DNAI4: variants seen among roughly 807,000 people sequenced by gnomAD.
DNAI4 encodes dynein axonemal intermediate chain 4.
In DNAI4, 85 loss-of-function variants were observed where a neutral mutation model predicts 105.8. The observed-to-expected ratio is 0.80, with a 90% CI of 0.67 to 0.96. The LOEUF (loss-of-function observed/expected upper bound fraction) is 0.96, where lower values mean the gene tolerates loss of function less well. Ranked by LOEUF, DNAI4 falls within the 40% of genes least tolerant of loss-of-function variation. The pLI is 0.00. For missense variants in DNAI4, 1,014 were observed against 1,005.6 expected, an observed-to-expected ratio of 1.01 and a Z score of -0.11; for synonymous variants, 352 against 331.5, an observed-to-expected ratio of 1.06 and a Z score of -0.67.
rs3008858 is a variant in DNAI4 at position 66,924,733 on chromosome 1, G to C, written c.99C>G (p.Cys33Trp). Residue 33 changes from cysteine to tryptophan, a missense_variant, in exon 1 of 17, where the codon TGC (cysteine) becomes TGG (tryptophan). Physicochemically the swap from Cys to Trp is radical, Grantham distance 215. Transcript: ENST00000371026. ...DFRGGQKKGW[C>W]TTPQLVATMP... ...TGGTGGCGACCAGCTGGGGAGTGGT[G>C]CACCACCCCTTTTTTTGGCCGCCTC... 0.76 allele frequency: 1,224,577 copies of C among 1,614,032 alleles called. 467,078 individuals are homozygous for C. The highest frequency in any genetic ancestry group is 0.9 in the East Asian group (40,475 of 44,866).
chr1:66,900,002 T>G (rs1648671730), intron 2 of DNAI4, among the ~76,000 whole-genome samples: 1 of 152,220 alleles, frequency 6.6e-6, no homozygotes, highest in Non-Finnish European at 1.5e-5. Context: ...ATCATCCTAC[T>G]TTGCTCTTTT....
At chr1:66,824,746 T>C (rs545604443) in intron 15 of DNAI4, among the ~76,000 whole-genome samples, 78 of 152,302 alleles carry the variant, frequency 5.1e-4, no homozygotes, top group African/African-American at 1.8e-3. Flanking sequence ...TTGTGATTTT[T>C]GTACATTGAT....
chr1:66,885,101 T>C (rs996493521), intron 4 of DNAI4, among the ~76,000 whole-genome samples: 13 of 152,238 alleles, frequency 8.5e-5, no homozygotes, highest in Non-Finnish European at 1.6e-4. Flanking sequence ...GGCCCATGGG[T>C]TATTTAGAAT....
intron 6 of DNAI4, among the ~76,000 whole-genome samples, chr1:66,863,191 G>A (rs1354302902): frequency 6.6e-6 from 1 of 152,126 alleles, no homozygotes; most frequent in Admixed American, 6.5e-5. Context: ...CTCTTCCACT[G>A]CTGATTTATG....
rs1264571241 is a variant in DNAI4 at position 66,890,715 on chromosome 1, A to G, written c.643+439T>C. ...GAAGAAGAAGAAGGAGAGGAGGGGG[A>G]GGAGGAGGAGGGAGAGGAAGAGGGG... On this transcript the variant is annotated intron_variant, in intron 4 of 16. Transcript: ENST00000371026. This position sits in a 1 kb window ranked among gnomAD's most constrained non-coding sequence, Gnocchi z 4.1. 2 of 206,522 alleles carry G rather than the reference A, an allele frequency of 9.7e-6. No individual in the cohort carries two copies. The highest frequency in any genetic ancestry group is 1.9e-5 in the Non-Finnish European group (2 of 105,042). 12.8% of individuals were successfully genotyped at this position (206,522 alleles called of 1,614,324 possible).
intron 1 of DNAI4, among the ~76,000 whole-genome samples, chr1:66,919,441 C>T (rs1650302953): frequency 6.6e-6 from 1 of 152,204 alleles, no homozygotes; most frequent in South Asian, 2.1e-4. Context: ...GAATCACAAC[C>T]TACTGGGAGC....
intron 2 of DNAI4, among the ~76,000 whole-genome samples, chr1:66,900,484 C>T (rs1265270738): frequency 6.6e-6 from 1 of 152,122 alleles, no homozygotes; most frequent in South Asian, 2.1e-4. Flanking sequence ...GTTTACAGAT[C>T]AGTTTGGGGA....
At chr1:66,873,009 G>A (rs542871212) in intron 5 of DNAI4, among the ~76,000 whole-genome samples, 13 of 151,998 alleles carry the variant, frequency 8.6e-5, no homozygotes, top group East Asian at 3.9e-4. Context: ...TACCACACCC[G>A]GCCTGACAGT....
At chr1:66,900,606 T>C (rs1648733686) in intron 2 of DNAI4, among the ~76,000 whole-genome samples, 1 of 152,236 alleles carries the variant, frequency 6.6e-6, no homozygotes, top group African/African-American at 2.4e-5. Flanking sequence ...TTTCAGAGCA[T>C]ACATTTTGCA....
chr1:66,873,662 T>C (rs747207744), intron 5 of DNAI4, among the ~76,000 whole-genome samples: 6 of 152,212 alleles, frequency 3.9e-5, no homozygotes, highest in African/African-American at 7.2e-5. Flanking sequence ...GTTGAGATAA[T>C]TGAGCTCCTT....
chr1:66,830,839 T>C (rs1338134764), intron 13 of DNAI4, among the ~76,000 whole-genome samples: 1 of 150,316 alleles, frequency 6.7e-6, no homozygotes, highest in African/African-American at 2.4e-5. Flanking sequence ...TAGCTAGGCA[T>C]GGTGGTGTGT....
chr1:66,924,505 G>A (rs1463239915), intron 1 of DNAI4, among the ~76,000 whole-genome samples, 157 bp downstream of exon 1: 1 of 152,206 alleles, frequency 6.6e-6, no homozygotes, highest in Admixed American at 6.5e-5. Flanking sequence ...GCGGTAGGTC[G>A]ATAAAGGAGA....
rs765035748 is a variant in DNAI4 at position 66,834,052 on chromosome 1, A to T, written c.1830T>A (p.Val610=). ...AGATTCTTCCATCTGCTGATATAGA[A>T]ACTAGTATTTCTCTTTTGCCATCTC... is the stretch of plus-strand genomic sequence containing the variant. ...TTGDGKREIL[V]SISADGRISK... Residue 610 remains valine (V), a synonymous_variant, in exon 12 of 17, where the codon GTT becomes GTA. Coordinates refer to ENST00000371026, the MANE Select transcript of DNAI4 (RefSeq NM_024763.5). 24 of 1,612,512 alleles carry T rather than the reference A, an allele frequency of 1.5e-5. No homozygotes were observed. The highest frequency in any genetic ancestry group is 2.0e-5 in the Non-Finnish European group (23 of 1,179,326).
intron 4 of DNAI4, among the ~76,000 whole-genome samples, chr1:66,879,017 T>C (rs1647013267): frequency 6.6e-6 from 1 of 152,220 alleles, no homozygotes; most frequent in South Asian, 2.1e-4. Context: ...ATCCTCGTAT[T>C]TCTTAATTGT....
At chr1:66,902,890 G>A (rs1299452743) in intron 2 of DNAI4, among the ~76,000 whole-genome samples, 3 of 152,128 alleles carry the variant, frequency 2.0e-5, no homozygotes, top group Non-Finnish European at 2.9e-5. Flanking sequence ...CCATTCCATT[G>A]GTCTATACCG....
intron 4 of DNAI4, among the ~76,000 whole-genome samples, chr1:66,884,714 A>G (rs1291925306): frequency 6.6e-6 from 1 of 152,182 alleles, no homozygotes; most frequent in Non-Finnish European, 1.5e-5. Flanking sequence ...CTTTGGCATC[A>G]GGGTGATGCT....
In DNAI4 at chr1:66,890,969, T is replaced by C. The variant is rs1647582401; in HGVS notation, c.643+185A>G. On this transcript the variant is annotated intron_variant, in intron 4 of 16. Transcript: ENST00000371026. The surrounding 1 kb of genome is among the most constrained non-coding windows in gnomAD (Gnocchi z 4.1). ...GCCATTGGTTCCTCAGGCTGATGAT[T>C]CAAAACAGTCACCCAGGGAACTTAA... 1.7e-6 allele frequency: 1 copy of C among 599,190 alleles called. No individual in the cohort carries two copies. The highest frequency in any genetic ancestry group is 1.9e-5 in the African/African-American group (1 of 53,590). The allele number at this position is 599,190 out of a possible 1,614,324, so 37.1% of individuals were successfully genotyped here. A position where few individuals can be genotyped will look rare whatever the true frequency, so the allele number is the denominator to read the frequency against.
At chr1:66,905,918 CTTT>C (rs34206774) in intron 1 of DNAI4, among the ~76,000 whole-genome samples, 3 of 96,408 alleles carry the variant, frequency 3.1e-5, no homozygotes, top group Non-Finnish European at 1.9e-5. Flanking sequence ...TTATATACTA[CTTT>C]TTTTTTTTTT....
At chr1:66,867,946 T>C (rs1023796604) in intron 6 of DNAI4, among the ~76,000 whole-genome samples, 6 of 152,198 alleles carry the variant, frequency 3.9e-5, no homozygotes, top group Non-Finnish European at 5.9e-5. Context: ...AATTTTGCTT[T>C]TTATTTTAAA....
Sources: allele counts gnomAD v4.1 joint callset (sites outside exome capture counted in the v4.1 genomes callset), GRCh38; gene constraint gnomAD v4.1.1; non-coding constraint Gnocchi (gnomAD v3.1); transcripts MANE v1.5; gene names NCBI Gene and HGNC (gene_info 2026-07-23, HGNC 2026-07-21).